DPYS: variants seen among roughly 807,000 people sequenced by gnomAD.
DPYS encodes dihydropyrimidine amidohydrolase.
Under a neutral mutation model 50.3 loss-of-function variants are expected in DPYS, and 39 were observed. The observed-to-expected ratio is 0.78, with a 90% CI of 0.60 to 1.01. The LOEUF (loss-of-function observed/expected upper bound fraction) is 1.01, where lower values mean the gene tolerates loss of function less well. Among genes scored for constraint, DPYS ranks in the 50% least tolerant of loss-of-function variants. The pLI, the probability that DPYS is intolerant of heterozygous loss-of-function variation, is 0.00. For missense variants in DPYS, 659 were observed against 680.9 expected (o/e 0.97, Z 0.36); for synonymous variants, 245 against 250.7 (o/e 0.98, Z 0.22).
intron 7 of DPYS, among the ~76,000 whole-genome samples, chr8:104,408,456 G>A (rs1396746509): frequency 2.6e-5 from 4 of 152,086 alleles, no homozygotes; most frequent in Admixed American, 2.0e-4. Flanking sequence ...TTTCCTTATT[G>A]CTCAAATGTA....
chr8:104,405,211 T>A (rs1207165898), intron 7 of DPYS, among the ~76,000 whole-genome samples: 1 of 152,208 alleles, frequency 6.6e-6, no homozygotes, highest in African/African-American at 2.4e-5. Flanking sequence ...CATTGCCTCA[T>A]TGAATCTCTC....
chr8:104,456,087 T>C (rs1813913699), intron 1 of DPYS, among the ~76,000 whole-genome samples: 1 of 152,130 alleles, frequency 6.6e-6, no homozygotes, highest in Non-Finnish European at 1.5e-5. Context: ...CAGTTATTAT[T>C]GTCATTGCCT....
chr8:104,381,261 TGTG>T lies in DPYS; in HGVS notation c.1494_1496del (p.Thr499del). The T allele has an allele frequency of 6.2e-7, 1 of 1,614,190 alleles. No individual in the cohort carries two copies. The highest frequency in any genetic ancestry group is 8.5e-7 in the Non-Finnish European group (1 of 1,180,016). On this transcript the variant is annotated inframe_deletion, in exon 9 of 10. Coordinates refer to ENST00000351513, the MANE Select transcript of DPYS (RefSeq NM_001385.3). ...CTTCTTTTGTCACTCTGGATTTCAG[TGTG>T]GCGACTTCTCCCTTATAGGGTGCAC... is the stretch of plus-strand genomic sequence containing the variant.
chr8:104,436,211 A>G (rs1327199539), intron 4 of DPYS, among the ~76,000 whole-genome samples: 1 of 152,214 alleles, frequency 6.6e-6, no homozygotes, highest in East Asian at 1.9e-4. Flanking sequence ...CACACTGACC[A>G]ACTGAACTGT....
chr8:104,429,544 C>G lies in DPYS; in HGVS notation c.950+1G>C. 6.2e-7 allele frequency: 1 copy of G among 1,614,032 alleles called. No homozygotes were observed. Among genetic ancestry groups the G allele is most frequent in the Non-Finnish European group, 8.5e-7 (1 of 1,179,958 alleles). ...TTCCCAGTCATCTGCAAAATGATTA[C>G]TTAGCCAACAGATTCATGAGGAAGT... On this transcript the variant is annotated splice_donor_variant, in intron 5 of 9. Transcript: ENST00000351513. LOFTEE classifies it high-confidence loss of function.
chr8:104,465,286 G>C (rs1273254546), intron 1 of DPYS, among the ~76,000 whole-genome samples: 12 of 151,850 alleles, frequency 7.9e-5, no homozygotes, highest in African/African-American at 2.9e-4. Context: ...AGGGGGTAGT[G>C]GGGGGAGAAA....
chr8:104,388,416 C>G (rs961298420), intron 8 of DPYS, among the ~76,000 whole-genome samples: 3 of 152,072 alleles, frequency 2.0e-5, no homozygotes, highest in Admixed American at 2.0e-4. Flanking sequence ...AATGTCTGTA[C>G]TTTCACATTT....
chr8:104,427,644 A>T (rs1168790227), intron 6 of DPYS, among the ~76,000 whole-genome samples: 1 of 151,976 alleles, frequency 6.6e-6, no homozygotes, highest in Non-Finnish European at 1.5e-5. Context: ...GGAATTCAAG[A>T]GCATGAGAAA....
In DPYS at chr8:104,381,209, C is replaced by T; in HGVS notation, c.1549G>A (p.Ala517Thr). The T allele has an allele frequency of 6.2e-7, 1 of 1,613,964 alleles. No individual in the cohort carries two copies. The highest frequency in any genetic ancestry group is 1.3e-5 in the African/African-American group (1 of 75,004). ...CGATGGCACACACTTCAGGGGTGGG[C>T]CTGTTTCCTGGTCCCTGCTGTGGCA... ...EDATAGTRKQ[A>T]HP The change falls in exon 9 of 10, where the codon GCC becomes ACC. Residue 517 changes from alanine to threonine, a missense_variant. Ala to Thr is a moderately conservative substitution (Grantham distance 58). Coordinates refer to ENST00000351513, the MANE Select transcript of DPYS (RefSeq NM_001385.3).
chr8:104,430,809 AG>A (rs1245441591), intron 4 of DPYS, among the ~76,000 whole-genome samples: 2 of 152,234 alleles, frequency 1.3e-5, no homozygotes, highest in African/African-American at 2.4e-5. Flanking sequence ...TATCAATAAA[AG>A]TTATCCCCCA....
intron 8 of DPYS, among the ~76,000 whole-genome samples, chr8:104,383,355 A>G (rs2669425): frequency 0.55 from 84,310 of 151,970 alleles, 28,401 homozygotes; most frequent in Non-Finnish European, 0.76. Flanking sequence ...TGCTTACCCC[A>G]GGTTTCTGGA....
At chr8:104,409,720 G>A (rs1029992638) in intron 7 of DPYS, among the ~76,000 whole-genome samples, 1 of 152,028 alleles carries the variant, frequency 6.6e-6, no homozygotes, top group Non-Finnish European at 1.5e-5. Flanking sequence ...TGATATTAAT[G>A]GTTTTTAAAG....
chr8:104,391,329 G>C (rs2140517377), intron 8 of DPYS, among the ~76,000 whole-genome samples: 1 of 152,294 alleles, frequency 6.6e-6, no homozygotes, highest in South Asian at 2.1e-4. Context: ...AGAAGAGGGA[G>C]AAGCCTTAGA....
In DPYS at chr8:104,447,373, A is replaced by C. The variant is rs147772269; in HGVS notation, c.554T>G (p.Ile185Ser). 436 of 1,613,926 alleles carry C rather than the reference A, an allele frequency of 2.7e-4. No homozygotes were observed. The highest frequency in any genetic ancestry group is 3.5e-4 in the Non-Finnish European group (414 of 1,179,996). The change falls in exon 3 of 10, where the codon ATT becomes AGT. Residue 185 changes from isoleucine (I) to serine (S), a missense_variant. Physicochemically the swap from Ile to Ser is moderately radical, Grantham distance 142 (BLOSUM62 -2). Coordinates refer to ENST00000351513, the MANE Select transcript of DPYS (RefSeq NM_001385.3). The part of the protein sequence containing the change: ...LYEAFSRCKE[I>S]GAIAQVHAEN... ...CGCATGGACCTGGGCAATTGCTCCA[A>C]TTTCCTTGCACCGAGAGAAGGCTTC... is the stretch of plus-strand genomic sequence containing the variant.
At chr8:104,428,239 A>C in intron 5 of DPYS, 118 bp from the exon 6 acceptor site, 1 of 1,330,942 alleles carries the variant, frequency 7.5e-7, no homozygotes, top group Non-Finnish European at 1.1e-6. Context: ...GAAAAATCCA[A>C]TGGAGAATGA....
intron 4 of DPYS, among the ~76,000 whole-genome samples, chr8:104,435,853 CG>C (rs1039038937): frequency 4.6e-5 from 7 of 152,024 alleles, no homozygotes; most frequent in Admixed American, 1.3e-4. Flanking sequence ...CATGGCTGAC[CG>C]GGGTTTTGGT....
At chr8:104,464,205 TC>T (rs1253279692) in intron 1 of DPYS, among the ~76,000 whole-genome samples, 2 of 152,190 alleles carry the variant, frequency 1.3e-5, no homozygotes, top group Non-Finnish European at 2.9e-5. Flanking sequence ...GGTGGATAAA[TC>T]CTTTGAGATG....
At chr8:104,420,617 A>T (rs142589837) in intron 7 of DPYS, 3 of 151,914 alleles carry the variant, frequency 2.0e-5, no homozygotes, top group African/African-American at 7.2e-5. Flanking sequence ...AAGAAGCAAG[A>T]TATAGAGTAA....
intron 7 of DPYS, 57 bp downstream of exon 7, chr8:104,424,190 G>C: frequency 6.2e-7 from 1 of 1,613,102 alleles, no homozygotes; most frequent in Non-Finnish European, 8.5e-7. Flanking sequence ...TTATTTCTGT[G>C]CAAGTTAGTG....
Sources: gnomAD v4.1 joint callset for allele counts (sites outside exome capture counted in the v4.1 genomes callset) on GRCh38, gnomAD v4.1.1 for gene constraint, MANE v1.5 for transcripts, NCBI Gene and HGNC (gene_info 2026-07-23, HGNC 2026-07-21) for gene names.